Variants in KIRREL1 observed in about 807,000 individuals in gnomAD.
KIRREL1 encodes the protein kin of IRRE-like protein 1.
KIRREL1 carries 25 observed loss-of-function variants against 83.3 expected under a neutral mutation model. The observed-to-expected ratio is 0.30, with a 90% CI of 0.22 to 0.42. The LOEUF is 0.42. Ranked by LOEUF, KIRREL1 falls within the 10% of genes least tolerant of loss-of-function variation. KIRREL1 has a pLI of 1.00. For synonymous variants in KIRREL1, 388 were observed against 410.4 expected (o/e 0.95, Z 0.66); for missense variants, 812 against 1,032.3 (o/e 0.79, Z 2.92).
chr1:158,010,375 T>C (rs1571532946), intron 1 of KIRREL1, among the ~76,000 whole-genome samples: 1 of 81,442 alleles, frequency 1.2e-5, no homozygotes. Context: ...CACACAGTCC[T>C]GAGAATGTCA....
Position 158,076,292 on chromosome 1 carries a change from T to C in KIRREL1, c.202+30T>C, listed in dbSNP as rs201637798. On this transcript the variant is annotated intron_variant, in intron 2 of 14. Transcript: ENST00000359209. ...GTGCCTGGCTACCCAACGTCCAAAC[T>C]GTCCCATCTTCTCCGCCATTCCCCA... 5.6e-6 allele frequency: 9 copies of C among 1,606,682 alleles called. No individual in the cohort carries two copies. The East Asian group carries it at 2.0e-4, about 36-fold the overall frequency.
chr1:158,048,558 C>T (rs1246675711), intron 1 of KIRREL1, among the ~76,000 whole-genome samples: 2 of 152,182 alleles, frequency 1.3e-5, no homozygotes, highest in Non-Finnish European at 2.9e-5. Flanking sequence ...TACAGAATTA[C>T]AGAACATCAA....
At chr1:158,034,224 A>T (rs1660407811) in intron 1 of KIRREL1, among the ~76,000 whole-genome samples, 1 of 146,104 alleles carries the variant, frequency 6.8e-6, no homozygotes, top group African/African-American at 2.5e-5. Flanking sequence ...GAGCCGAGAT[A>T]GCGCCAATGC....
In KIRREL1 at chr1:158,089,609, G is replaced by T; in HGVS notation, c.1152G>T (p.Glu384Asp). ...IVPRIGVAER[E>D]VPLYVNGPPI... The stretch of plus-strand genomic sequence containing the variant: ...CTCGAATCGGAGTGGCTGAGCGGGA[G>T]GTGCCGCTCTATGTGAACGGTGAGT... The change falls in exon 9 of 15, where the codon GAG becomes GAT. Residue 384 changes from glutamate to aspartate, a missense_variant. This residue lies in a region of KIRREL1 where 472 missense variants were observed against 626.8 expected (regional missense o/e 0.75). Transcript: ENST00000359209. The T allele has an allele frequency of 6.2e-7, 1 of 1,613,544 alleles. No individual in the cohort carries two copies. Among genetic ancestry groups the T allele is most frequent in the Admixed American group, 1.7e-5 (1 of 59,988 alleles).
rs1391927922 is a variant in KIRREL1, at chr1:158,084,427, C to G, written c.358C>G (p.Pro120Ala). 18 of 1,551,490 alleles carry G rather than the reference C, an allele frequency of 1.2e-5. No homozygotes were observed. The Admixed American group carries it at 3.1e-4, about 27-fold the overall frequency. Reference sequence around the variant, plus strand: ...TGCTCTGCTTTCTCCCACAGTCCCCCCAGAGGACACCAGGATTGACGGAGG... The same window carrying G: ...TGCTCTGCTTTCTCCCACAGTCCCCGCAGAGGACACCAGGATTGACGGAGG... ...RRAKLTVLIP[P>A]EDTRIDGGPV... The change falls in exon 4 of 15, where the codon CCA becomes GCA. Residue 120 changes from proline to alanine, a missense_variant. Physicochemically the swap from Pro to Ala is conservative, Grantham distance 27. Around this residue, in one of 3 missense-constraint regions of KIRREL1, gnomAD observed 472 missense variants for 626.8 expected, o/e 0.75. Transcript: ENST00000359209.
At chr1:158,018,283 C>T (rs1007135226) in intron 1 of KIRREL1, among the ~76,000 whole-genome samples, 13 of 152,262 alleles carry the variant, frequency 8.5e-5, no homozygotes, top group Middle Eastern at 3.4e-3. Context: ...TGCCGCACCA[C>T]ACCACAGGTC....
intron 1 of KIRREL1, among the ~76,000 whole-genome samples, chr1:158,003,586 T>C (rs1659429922): frequency 6.6e-6 from 1 of 151,944 alleles, no homozygotes; most frequent in Non-Finnish European, 1.5e-5. Context: ...ACACACACAC[T>C]CGTGGCTGGC....
chr1:158,017,190 G>A lies in KIRREL1; in HGVS notation c.52+23462G>A, dbSNP rs535991204. The stretch of plus-strand genomic sequence containing the variant: ...CGGCCCAGGAAATGGGCATCTCCCT[G>A]GGCAAGTTCTCCTCATTTTCCTCCT... On this transcript the variant is annotated intron_variant, in intron 1 of 14. Transcript: ENST00000359209. 3.9e-5 allele frequency among the ~76,000 whole-genome samples: 6 copies of A among 152,156 alleles called. No individual in the cohort carries two copies. The East Asian group carries it at 5.8e-4, about 15-fold the overall frequency.
In KIRREL1 at chr1:158,096,578, A is replaced by C; in HGVS notation, c.*1458A>C. 1 of 456,870 alleles carries C rather than the reference A, an allele frequency of 2.2e-6. No individual in the cohort carries two copies. The highest frequency in any genetic ancestry group is 4.4e-6 in the Non-Finnish European group (1 of 226,990). The allele number at this position is 456,870 out of a possible 1,614,324, so 28.3% of individuals were successfully genotyped here. The stretch of plus-strand genomic sequence containing the variant: ...GGGCCTGGAAATGGCCCTGACAGAG[A>C]ACTTGTGCTGACCGGGAGAAGGTGG... On this transcript the variant is annotated 3_prime_UTR_variant, in exon 15 of 15. Coordinates refer to ENST00000359209, the MANE Select transcript of KIRREL1 (RefSeq NM_018240.7).
At chr1:158,014,233 A>G (rs1168692746) in intron 1 of KIRREL1, among the ~76,000 whole-genome samples, 1 of 151,562 alleles carries the variant, frequency 6.6e-6, no homozygotes, top group Non-Finnish European at 1.5e-5. Flanking sequence ...GAGGAGGGGG[A>G]GGGAAGAGAG....
Position 158,078,005 on chromosome 1 carries a change from C to T in KIRREL1, c.217C>T (p.Arg73Trp), listed in dbSNP as rs745376294. The T allele has an allele frequency of 5.6e-6, 9 of 1,614,104 alleles. No individual in the cohort carries two copies. The South Asian group carries it at 6.6e-5, about 12-fold the overall frequency. ...TGTTTCTGCAGCCTGGCCACGGTACCGGGTTGTGGGCTCCGCAGACGCTGG... is the reference window on the plus strand; with the variant it reads ...TGTTTCTGCAGCCTGGCCACGGTACTGGGTTGTGGGCTCCGCAGACGCTGG... ...GQGLKAWPRY[R>W]VVGSADAGQY... Residue 73 changes from arginine to tryptophan, a missense_variant, in exon 3 of 15, where the codon CGG (arginine) becomes TGG (tryptophan). Coordinates refer to ENST00000359209, the MANE Select transcript of KIRREL1 (RefSeq NM_018240.7).
intron 1 of KIRREL1, among the ~76,000 whole-genome samples, chr1:157,996,024 A>G (rs1026617355): frequency 2.1e-5 from 3 of 141,052 alleles, no homozygotes; most frequent in African/African-American, 8.0e-5. Flanking sequence ...GGACTGGGGC[A>G]GTGAGAGAGG....
At chr1:158,028,085 C>T (rs1248962555) in intron 1 of KIRREL1, among the ~76,000 whole-genome samples, 1 of 152,176 alleles carries the variant, frequency 6.6e-6, no homozygotes, top group Non-Finnish European at 1.5e-5. Flanking sequence ...TACCATGTCC[C>T]TGAGGTAGGG....
At chr1:158,067,941 T>G (rs182734072) in intron 1 of KIRREL1, among the ~76,000 whole-genome samples, 31 of 152,252 alleles carry the variant, frequency 2.0e-4, no homozygotes, top group Non-Finnish European at 8.8e-5. Flanking sequence ...TCCCATCTGG[T>G]CCCTGGAAAG....
chr1:158,063,359 G>C (rs1426909352), intron 1 of KIRREL1, among the ~76,000 whole-genome samples: 1 of 137,240 alleles, frequency 7.3e-6, no homozygotes, highest in Non-Finnish European at 1.6e-5. Context: ...ATCTATTAAG[G>C]CTGTAAGCTC....
At chr1:158,003,024 A>G (rs911768445) in intron 1 of KIRREL1, among the ~76,000 whole-genome samples, 1 of 152,048 alleles carries the variant, frequency 6.6e-6, no homozygotes, top group Non-Finnish European at 1.5e-5. Flanking sequence ...CTCCCACCCA[A>G]CAGAGCTGAT....
chr1:158,024,359 A>T (rs1660104130), intron 1 of KIRREL1, among the ~76,000 whole-genome samples: 1 of 144,102 alleles, frequency 6.9e-6, no homozygotes, highest in South Asian at 2.2e-4. Flanking sequence ...GCTCACTGCA[A>T]CCTCCACCTC....
intron 1 of KIRREL1, among the ~76,000 whole-genome samples, chr1:158,067,480 T>G (rs915193348): frequency 1.3e-5 from 2 of 152,188 alleles, no homozygotes; most frequent in Non-Finnish European, 2.9e-5. Flanking sequence ...AGTCCTTAAG[T>G]GTCCTCAAGG....
intron 1 of KIRREL1, among the ~76,000 whole-genome samples, chr1:157,999,746 C>G (rs539460977): frequency 6.6e-6 from 1 of 151,966 alleles, no homozygotes; most frequent in East Asian, 1.9e-4. Flanking sequence ...GGTGGGTTGT[C>G]AGCAGTAGAG....
Sources: allele counts gnomAD v4.1 joint callset (sites outside exome capture counted in the v4.1 genomes callset), GRCh38; gene constraint gnomAD v4.1.1; regional missense constraint gnomAD v4.1.1; transcripts MANE v1.5; gene names NCBI Gene and HGNC (gene_info 2026-07-23, HGNC 2026-07-21).